Variants in TIMM23 observed in about 807,000 individuals in gnomAD.
The protein encoded by TIMM23 is mitochondrial import inner membrane translocase subunit Tim23.
Under a neutral mutation model 30.7 loss-of-function variants are expected in TIMM23, and 19 were observed. The ratio of observed to expected loss-of-function variants is 0.62; its 90% CI spans 0.43 to 0.91. TIMM23 has a LOEUF of 0.91. Among genes scored for constraint, TIMM23 ranks in the 40% least tolerant of loss-of-function variants. The pLI, the probability that TIMM23 is intolerant of heterozygous loss-of-function variation, is 0.00. For missense variants in TIMM23, 202 were observed against 269.2 expected (o/e 0.75, Z 1.75); for synonymous variants, 78 against 98.5 (o/e 0.79, Z 1.23).
intron 6 of TIMM23, 121 bp from the exon 7 acceptor site, chr10:46,003,082 G>C (rs900368197): frequency 2.5e-5 from 18 of 720,380 alleles, no homozygotes; most frequent in Non-Finnish European, 3.9e-5. Context: ...CTCCCGAAGT[G>C]CTGGGATTAC....
intron 4 of TIMM23, among the ~76,000 whole-genome samples, chr10:45,985,093 A>G (rs1317598526): frequency 6.6e-6 from 1 of 151,948 alleles, no homozygotes; most frequent in Non-Finnish European, 1.5e-5. Context: ...TTTAATGTGT[A>G]TTCATTATAT....
At chr10:45,992,464 T>G (rs1170406670) in intron 6 of TIMM23, 1 of 455,810 alleles carries the variant, frequency 2.2e-6, no homozygotes, top group Non-Finnish European at 4.4e-6. Context: ...CTTAGGAGAA[T>G]TGTGAAACTT....
chr10:45,985,332 T>C, intron 4 of TIMM23, 51 bp from the exon 5 acceptor site: 1 of 1,611,492 alleles, frequency 6.2e-7, no homozygotes, highest in Non-Finnish European at 8.5e-7. Context: ...TAAAGGTTAC[T>C]AGAGAAATAA....
At chr10:45,989,259 G>A (rs1225636242) in intron 6 of TIMM23, among the ~76,000 whole-genome samples, 2 of 152,074 alleles carry the variant, frequency 1.3e-5, no homozygotes, top group African/African-American at 2.4e-5. Flanking sequence ...CTTATTTTAC[G>A]TAGCATAATA....
chr10:45,990,919 C>G (rs1838146920), intron 6 of TIMM23, among the ~76,000 whole-genome samples: 1 of 152,178 alleles, frequency 6.6e-6, no homozygotes, highest in Admixed American at 6.6e-5. Context: ...ATTTACCATT[C>G]TCTGAAGGTA....
chr10:45,992,555 T>C (rs1197006788), intron 6 of TIMM23: 1 of 430,904 alleles, frequency 2.3e-6, no homozygotes, highest in Non-Finnish European at 4.5e-6. Flanking sequence ...AATTAAGCTT[T>C]TTTTTCCTTT....
chr10:45,988,825 A>G lies in TIMM23; in HGVS notation c.492A>G (p.Thr164=). The G allele has an allele frequency of 6.2e-7, 1 of 1,613,542 alleles. No homozygotes were observed. Among genetic ancestry groups the G allele is most frequent in the Non-Finnish European group, 8.5e-7 (1 of 1,179,476 alleles). ...DLNTVAAGTM[T]GMLYKCTGGL... The stretch of plus-strand genomic sequence containing the variant: ...ACACAGTAGCAGCTGGAACCATGAC[A>G]GGCATGTTGTATAAATGTACAGGTG... The change falls in exon 6 of 7, where the codon ACA becomes ACG. Residue 164 remains threonine, a synonymous_variant. Transcript: ENST00000580018.
At chr10:46,002,163 A>G (rs1590135327) in intron 6 of TIMM23, among the ~76,000 whole-genome samples, 2 of 152,132 alleles carry the variant, frequency 1.3e-5, no homozygotes, top group Admixed American at 6.5e-5. Flanking sequence ...ATCTAACTCA[A>G]AGTGTGATTA....
intron 6 of TIMM23, among the ~76,000 whole-genome samples, chr10:45,991,973 T>G (rs1356659808): frequency 2.8e-5 from 4 of 143,318 alleles, no homozygotes; most frequent in African/African-American, 1.0e-4. Context: ...GTTTCCTTTG[T>G]TTTTTTTTTT....
intron 2 of TIMM23, among the ~76,000 whole-genome samples, chr10:45,978,034 AAAAAAAAT>A (rs878928742): frequency 6.6e-6 from 1 of 151,978 alleles, no homozygotes; most frequent in Non-Finnish European, 1.5e-5. Flanking sequence ...TCGGTCTCAA[AAAAAAAAT>A]AAAAAAATAA....
intron 6 of TIMM23, among the ~76,000 whole-genome samples, chr10:45,995,089 A>G (rs1305707550): frequency 1.3e-5 from 2 of 151,418 alleles, no homozygotes; most frequent in East Asian, 2.0e-4. Flanking sequence ...CTCTTCTACA[A>G]TTGCAATGGA....
chr10:45,976,166 G>A (rs1230859461), intron 2 of TIMM23, among the ~76,000 whole-genome samples: 1 of 151,958 alleles, frequency 6.6e-6, no homozygotes, highest in Non-Finnish European at 1.5e-5. Context: ...AGAAAAGCAA[G>A]GTTGATTTAA....
At chr10:45,987,615 ATTTTTTTTT>A (rs781826848) in intron 5 of TIMM23, among the ~76,000 whole-genome samples, 6 of 79,138 alleles carry the variant, frequency 7.6e-5, no homozygotes, top group South Asian at 9.6e-4. Flanking sequence ...TATTATAAAG[ATTTTTTTTT>A]TTTTTTTTTT....
intron 4 of TIMM23, among the ~76,000 whole-genome samples, chr10:45,984,383 T>G (rs1837940333): frequency 6.6e-6 from 1 of 152,320 alleles, no homozygotes; most frequent in African/African-American, 2.4e-5. Flanking sequence ...TTAAAACAAG[T>G]TATTAAAATG....
At position 46,003,430 on chromosome 10, in the gene TIMM23, A is replaced by G; in HGVS notation, c.*112A>G. On this transcript the variant is annotated 3_prime_UTR_variant, in exon 7 of 7. Coordinates refer to ENST00000580018, the MANE Select transcript of TIMM23 (RefSeq NM_006327.4). ...ACCTACAATTAGTTTGAAAAATTGG[A>G]GATTTTGATTTGCTGTGATGAAAAT... is the stretch of plus-strand genomic sequence containing the variant. 1.3e-6 allele frequency: 1 copy of G among 788,116 alleles called. No homozygotes were observed. The allele number at this position is 788,116 out of a possible 1,614,324, so 48.8% of individuals were successfully genotyped here.
At chr10:45,998,831 CTTTTTT>C (rs35752006) in intron 6 of TIMM23, among the ~76,000 whole-genome samples, 3 of 125,200 alleles carry the variant, frequency 2.4e-5, no homozygotes, top group South Asian at 2.5e-4. Flanking sequence ...TCCCAAATAT[CTTTTTT>C]TTTTTTTTTT....
Position 45,972,490 on chromosome 10 carries a change from A to C in TIMM23, c.-135A>C. On this transcript the variant is annotated 5_prime_UTR_variant, in exon 1 of 7. Coordinates refer to ENST00000580018, the MANE Select transcript of TIMM23 (RefSeq NM_006327.4). ...AGCGGAAGTGTGGCGCTTAACGGGAACCGGCGCCCGGAAGGTCAGCGTGTG... is the reference window on the plus strand; with the variant it reads ...AGCGGAAGTGTGGCGCTTAACGGGACCCGGCGCCCGGAAGGTCAGCGTGTG... The C allele has an allele frequency of 7.1e-7, 1 of 1,401,702 alleles. No homozygotes were observed. The highest frequency in any genetic ancestry group is 9.6e-7 in the Non-Finnish European group (1 of 1,046,658). The allele number at this position is 1,401,702 out of a possible 1,614,324, so 86.8% of individuals were successfully genotyped here. A position where few individuals can be genotyped will look rare whatever the true frequency, so the allele number is the denominator to read the frequency against.
chr10:45,977,324 T>A (rs1282808055), intron 2 of TIMM23, among the ~76,000 whole-genome samples: 8 of 151,366 alleles, frequency 5.3e-5, no homozygotes, highest in Admixed American at 2.0e-4. Context: ...CTTGCCAATT[T>A]CAAAACTTTC....
chr10:45,982,976 G>A (rs1208659283), intron 4 of TIMM23, 46 bp downstream of exon 4: 108,371 of 1,612,500 alleles, frequency 0.067, 3,856 homozygotes, highest in Non-Finnish European at 0.075. Context: ...TGAATATTAA[G>A]CTCTGTTGTA....
Sources: gnomAD v4.1 joint callset for allele counts (sites outside exome capture counted in the v4.1 genomes callset) on GRCh38, gnomAD v4.1.1 for gene constraint, MANE v1.5 for transcripts, NCBI Gene and HGNC (gene_info 2026-07-23, HGNC 2026-07-21) for gene names.